The following NSMAF variants were observed in gnomAD, a reference collection of about 807,000 sequenced individuals.
NSMAF encodes neutral sphingomyelinase activation associated factor.
In NSMAF, 90 loss-of-function variants were observed where a neutral mutation model predicts 134.9. That is an observed-to-expected ratio of 0.67 (90% CI 0.56 to 0.79). The LOEUF (loss-of-function observed/expected upper bound fraction) is 0.79. NSMAF is among the 30% of genes least tolerant of loss of function. The pLI is 0.00. For synonymous variants in NSMAF, 358 were observed against 389.6 expected, an observed-to-expected ratio of 0.92 and a Z score of 0.96; for missense variants, 1,010 against 1,119.0, an observed-to-expected ratio of 0.90 and a Z score of 1.39.
rs1043308284 is a variant in NSMAF, at chr8:58,591,046, A to G, written c.1952-112T>C. ...TGGCCAACAGTACACTTTATACTCC[A>G]AAGTATAATCTTATGGAAAACCGAA... On this transcript the variant is annotated intron_variant, in intron 23 of 30. Coordinates refer to ENST00000038176, the MANE Select transcript of NSMAF (RefSeq NM_003580.4). The G allele has an allele frequency of 2.4e-6, 3 of 1,239,706 alleles. No individual in the cohort carries two copies. In the African/African-American group the frequency reaches 4.6e-5, roughly 19 times the overall value. 76.8% of individuals were successfully genotyped at this position (1,239,706 alleles called of 1,614,324 possible).
intron 1 of NSMAF, among the ~76,000 whole-genome samples, chr8:58,652,567 C>T (rs1807610314): frequency 6.6e-6 from 1 of 152,136 alleles, no homozygotes; most frequent in Admixed American, 6.6e-5. Flanking sequence ...TGTACTCTGG[C>T]CCCTGGTCAC....
At chr8:58,637,593 A>C (rs1807206358) in intron 2 of NSMAF, among the ~76,000 whole-genome samples, 1 of 152,214 alleles carries the variant, frequency 6.6e-6, no homozygotes, top group African/African-American at 2.4e-5. Flanking sequence ...GTATACAAAA[A>C]CCCTAAGGAT....
chr8:58,623,068 A>G (rs1246136395), intron 9 of NSMAF, 152 bp downstream of exon 9: 1 of 638,734 alleles, frequency 1.6e-6, no homozygotes, highest in African/African-American at 1.8e-5. Context: ...GAAGCGCTAG[A>G]GAGTTCTCCT....
chr8:58,616,031 G>T lies in NSMAF; in HGVS notation c.558-6298C>A, dbSNP rs959843519. On this transcript the variant is annotated intron_variant, in intron 9 of 30. Coordinates refer to ENST00000038176, the MANE Select transcript of NSMAF (RefSeq NM_003580.4). ...GACATTAGCAACTTCATATCAATAC[G>T]TCTGACAATTTAGATGAAATGGACA... 3.9e-5 allele frequency among the ~76,000 whole-genome samples: 6 copies of T among 152,184 alleles called. No individual in the cohort carries two copies. In the South Asian group the frequency reaches 1.0e-3, roughly 26 times the overall value.
At position 58,600,253 on chromosome 8, in the gene NSMAF, G is replaced by A. The variant is rs149300701; in HGVS notation, c.1281-232C>T. The A allele has an allele frequency of 1.8e-3, 934 of 533,242 alleles. 9 individuals are homozygous for A. Among genetic ancestry groups the A allele is most frequent in the African/African-American group, 0.016 (815 of 52,192 alleles). The allele number at this position is 533,242 out of a possible 1,614,324, so 33.0% of individuals were successfully genotyped here. Reference sequence around the variant, plus strand: ...CATGGCGGGAGTGGGCATAGAGTCCGAGTCCACACCATTAGCTACCATATA... The same window carrying A: ...CATGGCGGGAGTGGGCATAGAGTCCAAGTCCACACCATTAGCTACCATATA... On this transcript the variant is annotated intron_variant, in intron 16 of 30. Coordinates refer to ENST00000038176, the MANE Select transcript of NSMAF (RefSeq NM_003580.4).
At chr8:58,643,467 G>A (rs1807378809) in intron 1 of NSMAF, among the ~76,000 whole-genome samples, 1 of 151,242 alleles carries the variant, frequency 6.6e-6, no homozygotes. Context: ...ATACCTCCCT[G>A]CCCCCAACAT....
intron 11 of NSMAF, 77 bp from the exon 12 acceptor site, chr8:58,606,112 C>A (rs1806405937): frequency 8.4e-7 from 1 of 1,185,140 alleles, no homozygotes; most frequent in South Asian, 1.7e-5. Context: ...TATATAATTA[C>A]AAAAACATTC....
At chr8:58,623,169 G>C in intron 9 of NSMAF, 51 bp downstream of exon 9, 1 of 1,376,922 alleles carries the variant, frequency 7.3e-7, no homozygotes, top group Non-Finnish European at 1.0e-6. Flanking sequence ...GAGGCATACA[G>C]ATGAAAATGT....
At chr8:58,656,629 G>C (rs1807718367) in intron 1 of NSMAF, among the ~76,000 whole-genome samples, 1 of 152,048 alleles carries the variant, frequency 6.6e-6, no homozygotes, top group African/African-American at 2.4e-5. Context: ...AGGAGATCGA[G>C]ACCATCCTGG....
At chr8:58,622,266 G>C (rs1455880171) in intron 9 of NSMAF, among the ~76,000 whole-genome samples, 1 of 151,928 alleles carries the variant, frequency 6.6e-6, no homozygotes, top group African/African-American at 2.4e-5. Flanking sequence ...TTTTGAGATG[G>C]GGTCTCACTC....
chr8:58,601,546 G>GGAAA lies in NSMAF; in HGVS notation c.1126-12_1126-11insTTTC. On this transcript the variant is annotated splice_polypyrimidine_tract_variant and intron_variant, in intron 14 of 30. Coordinates refer to ENST00000038176, the MANE Select transcript of NSMAF (RefSeq NM_003580.4). ...TTCCTGGTAGCGTGTCTAGAATACA[G>GGAAA]AAAAAAAAAAAAAATAGAGCTAAGT... 6.2e-6 allele frequency: 9 copies of GGAAA among 1,443,138 alleles called. No homozygotes were observed. In the South Asian group the frequency reaches 8.8e-5, roughly 14 times the overall value. 89.4% of individuals were successfully genotyped at this position (1,443,138 alleles called of 1,614,324 possible). A position where few individuals can be genotyped will look rare whatever the true frequency, so the allele number is the denominator to read the frequency against.
chr8:58,606,098 T>G, intron 11 of NSMAF, 63 bp from the exon 12 acceptor site: 1 of 1,296,298 alleles, frequency 7.7e-7, no homozygotes, highest in East Asian at 2.8e-5. Flanking sequence ...AATCCCAATA[T>G]AAGTATATAA....
At chr8:58,626,608 G>T (rs1252611017) in intron 6 of NSMAF, among the ~76,000 whole-genome samples, 1 of 152,126 alleles carries the variant, frequency 6.6e-6, no homozygotes, top group Non-Finnish European at 1.5e-5. Context: ...CCACTTGTTG[G>T]TTGATGGGCA....
chr8:58,585,445 C>G (rs747640188), intron 30 of NSMAF, among the ~76,000 whole-genome samples: 21 of 151,686 alleles, frequency 1.4e-4, no homozygotes, highest in Non-Finnish European at 1.0e-4. Flanking sequence ...TTTTTGGAGT[C>G]CAATGGCTGT....
intron 1 of NSMAF, among the ~76,000 whole-genome samples, chr8:58,651,169 G>C (rs1807573697): frequency 6.6e-6 from 1 of 152,100 alleles, no homozygotes; most frequent in African/African-American, 2.4e-5. Context: ...CAACTCCAGT[G>C]ACACCTAAAA....
intron 6 of NSMAF, among the ~76,000 whole-genome samples, chr8:58,625,090 C>T (rs1806895193): frequency 6.6e-6 from 1 of 152,142 alleles, no homozygotes; most frequent in African/African-American, 2.4e-5. Context: ...ACAGATTGCC[C>T]TCCCCAATGT....
intron 2 of NSMAF, chr8:58,637,452 C>T: frequency 2.2e-6 from 1 of 455,590 alleles, no homozygotes; most frequent in Non-Finnish European, 4.4e-6. Context: ...CAAAGGTGCC[C>T]ACTCTTACCA....
chr8:58,589,928 T>G, intron 25 of NSMAF, 79 bp downstream of exon 25: 1 of 1,211,938 alleles, frequency 8.3e-7, no homozygotes, highest in Non-Finnish European at 1.2e-6. Flanking sequence ...AGGGAAAGCT[T>G]CTGGCTTTTC....
At chr8:58,644,644 T>G (rs1466055045) in intron 1 of NSMAF, among the ~76,000 whole-genome samples, 1 of 152,254 alleles carries the variant, frequency 6.6e-6, no homozygotes, top group Non-Finnish European at 1.5e-5. Flanking sequence ...TAAATCATTC[T>G]GCTACAAAGA....
Sources: gnomAD v4.1 joint callset for allele counts (sites outside exome capture counted in the v4.1 genomes callset) on GRCh38, gnomAD v4.1.1 for gene constraint, MANE v1.5 for transcripts, NCBI Gene and HGNC (gene_info 2026-07-23, HGNC 2026-07-21) for gene names.